The following FABP7 variants were observed in gnomAD, a reference collection of about 807,000 sequenced individuals.
FABP7 encodes the protein fatty acid-binding protein, brain.
A neutral mutation model predicts 14.2 loss-of-function variants in FABP7; 13 were observed. The observed-to-expected ratio is 0.91, with a 90% CI of 0.59 to 1.45. The LOEUF (loss-of-function observed/expected upper bound fraction) is 1.45. Ranked by LOEUF, FABP7 falls within the 40% of genes most tolerant of loss-of-function variation. The pLI is 0.00. For missense variants in FABP7, 149 were observed against 157.6 expected, an observed-to-expected ratio of 0.95 and a Z score of 0.29; for synonymous variants, 49 against 51.4, an observed-to-expected ratio of 0.95 and a Z score of 0.20.
At chr6:122,781,545 G>A (rs1452955643) in intron 3 of FABP7, 1 of 1,287,698 alleles carries the variant, frequency 7.8e-7, no homozygotes, top group Admixed American at 3.5e-5. Flanking sequence ...CATAATCACT[G>A]AAATATATAA....
At chr6:122,749,950 C>G in the FABP7 span, among the ~76,000 whole-genome samples, 1 of 152,120 alleles carries the variant, frequency 6.6e-6, no homozygotes, top group Admixed American at 6.5e-5. Flanking sequence ...GGCTGAGGGA[C>G]ATTTTATAGA....
chr6:122,762,292 CAT>C, the FABP7 span, among the ~76,000 whole-genome samples: 2 of 152,168 alleles, frequency 1.3e-5, no homozygotes, highest in African/African-American at 4.8e-5. Context: ...GCAAAAACTA[CAT>C]GATTATCTCA....
chr6:122,754,453 G>A, the FABP7 span, among the ~76,000 whole-genome samples: 4 of 152,164 alleles, frequency 2.6e-5, no homozygotes, highest in Non-Finnish European at 4.4e-5. Flanking sequence ...GCTCTCAGAC[G>A]CTTCCAACTT....
the FABP7 span, among the ~76,000 whole-genome samples, chr6:122,773,204 A>G: frequency 6.6e-6 from 1 of 152,210 alleles, no homozygotes; most frequent in Non-Finnish European, 1.5e-5. Context: ...ATCAAAACTT[A>G]TTATGCAACC....
the FABP7 span, among the ~76,000 whole-genome samples, chr6:122,765,327 A>C: frequency 3.3e-5 from 5 of 152,184 alleles, no homozygotes; most frequent in South Asian, 1.0e-3. Context: ...TCCTTTTTTC[A>C]TTAACCAAAT....
the FABP7 span, among the ~76,000 whole-genome samples, chr6:122,764,649 TG>T: frequency 6.6e-6 from 1 of 152,174 alleles, no homozygotes; most frequent in Non-Finnish European, 1.5e-5. Flanking sequence ...CTTCCCTTGA[TG>T]TTGTAAGTCA....
chr6:122,773,794 T>G, the FABP7 span, among the ~76,000 whole-genome samples: 1 of 151,942 alleles, frequency 6.6e-6, no homozygotes, highest in Non-Finnish European at 1.5e-5. Context: ...AAAATTGTTG[T>G]AAAGCAAGGC....
Position 122,780,420 on chromosome 6 carries a change from G to C in FABP7, c.203G>C (p.Gly68Ala). Residue 68 changes from glycine to alanine, a missense_variant, in exon 2 of 4, where the codon GGA becomes GCA. By Grantham distance (60) the Gly-to-Ala change is moderately conservative. Coordinates refer to ENST00000368444, the MANE Select transcript of FABP7 (RefSeq NM_001446.5). ...AACACGGAGATTAGTTTCCAGCTGGGAGAAGAGTTTGATGAAACCACTGCA... is the reference window on the plus strand; with the variant it reads ...AACACGGAGATTAGTTTCCAGCTGGCAGAAGAGTTTGATGAAACCACTGCA... ...FKNTEISFQL[G>A]EEFDETTADD... is the part of the protein sequence containing the mutation. The C allele has an allele frequency of 6.2e-7, 1 of 1,613,900 alleles. No individual in the cohort carries two copies. The highest frequency in any genetic ancestry group is 8.5e-7 in the Non-Finnish European group (1 of 1,179,952).
upstream of FABP7, among the ~76,000 whole-genome samples, chr6:122,775,781 C>A (rs1256042622): frequency 6.6e-6 from 1 of 151,602 alleles, no homozygotes; most frequent in Non-Finnish European, 1.5e-5. Flanking sequence ...TGGAAGCTAT[C>A]CATCCAGCAA....
At chr6:122,763,079 A>C in the FABP7 span, among the ~76,000 whole-genome samples, 1 of 152,352 alleles carries the variant, frequency 6.6e-6, no homozygotes, top group South Asian at 2.1e-4. Flanking sequence ...CCACATTGCC[A>C]AGACAATCCT....
chr6:122,783,504 C>T (rs1022655790), intron 3 of FABP7: 27 of 985,294 alleles, frequency 2.7e-5, no homozygotes, highest in Admixed American at 1.8e-4. Flanking sequence ...ATCTAAAGTG[C>T]TAATCCCAGT....
At chr6:122,763,943 GTA>G in the FABP7 span, among the ~76,000 whole-genome samples, 1 of 152,222 alleles carries the variant, frequency 6.6e-6, no homozygotes. Flanking sequence ...CCTGTTAGTG[GTA>G]GTGTAAACTA....
At chr6:122,759,930 C>A in the FABP7 span, among the ~76,000 whole-genome samples, 3 of 151,932 alleles carry the variant, frequency 2.0e-5, no homozygotes, top group Admixed American at 6.6e-5. Context: ...ACCAGCCTGG[C>A]CAATATGGTG....
rs1780861251 is a variant in FABP7 at position 122,784,034 on chromosome 6, G to A, written c.*267G>A. ...GTGAATACATTTTATAATTTCTTTT[G>A]GAATGTAAATCAAATTTGAATAAAA... On this transcript the variant is annotated 3_prime_UTR_variant, in exon 4 of 4. Coordinates refer to ENST00000368444, the MANE Select transcript of FABP7 (RefSeq NM_001446.5). The A allele has an allele frequency of 1.1e-5, 3 of 281,230 alleles. No homozygotes were observed. The highest frequency in any genetic ancestry group is 1.2e-5 in the Non-Finnish European group (2 of 163,410). 17.4% of individuals were successfully genotyped at this position (281,230 alleles called of 1,614,324 possible).
upstream of FABP7, among the ~76,000 whole-genome samples, chr6:122,774,994 A>G (rs1368371113): frequency 6.6e-6 from 1 of 151,802 alleles, no homozygotes; most frequent in Non-Finnish European, 1.5e-5. Flanking sequence ...AATACTAATG[A>G]AATAAAATGA....
the FABP7 span, among the ~76,000 whole-genome samples, chr6:122,755,085 T>C: frequency 3.9e-5 from 6 of 152,130 alleles, no homozygotes; most frequent in Admixed American, 6.5e-5. Context: ...CTAATCAATT[T>C]ACTCTACCAT....
Position 122,779,758 on chromosome 6 carries a change from T to A in FABP7, c.-37T>A, listed in dbSNP as rs570218812. 13 of 1,605,238 alleles carry A rather than the reference T, an allele frequency of 8.1e-6. No homozygotes were observed. In the Admixed American group the frequency reaches 2.0e-4, roughly 25 times the overall value. The stretch of plus-strand genomic sequence containing the variant: ...CTGCAGTGGCAATTAGACCAGAAGA[T>A]CCCCGCTCCTGTCTCTAAAGAGGGG... On this transcript the variant is annotated 5_prime_UTR_variant, in exon 1 of 4. Transcript: ENST00000368444.
At chr6:122,777,354 C>A (rs1780691615), upstream of FABP7, among the ~76,000 whole-genome samples, 2 of 152,004 alleles carry the variant, frequency 1.3e-5, no homozygotes, top group Non-Finnish European at 2.9e-5. Context: ...ATCCTAAGCA[C>A]CCCCACATAC....
the FABP7 span, among the ~76,000 whole-genome samples, chr6:122,756,837 G>A: frequency 7.2e-5 from 11 of 152,150 alleles, no homozygotes; most frequent in African/African-American, 1.9e-4. Flanking sequence ...TCCTTAGAGC[G>A]CTTCTTCCTT....
Sources: gnomAD v4.1 joint callset for allele counts (sites outside exome capture counted in the v4.1 genomes callset) on GRCh38, gnomAD v4.1.1 for gene constraint, MANE v1.5 for transcripts, NCBI Gene and HGNC (gene_info 2026-07-23, HGNC 2026-07-21) for gene names.